The following PTPRS variants were observed in gnomAD, a reference collection of about 807,000 sequenced individuals.
PTPRS encodes receptor-type tyrosine-protein phosphatase S.
PTPRS carries 63 observed loss-of-function variants against 215.3 expected under a neutral mutation model. That is an observed-to-expected ratio of 0.29 (90% confidence interval 0.24 to 0.36). PTPRS has a LOEUF of 0.36. PTPRS is among the 10% of genes least tolerant of loss of function. The pLI, the probability that PTPRS is intolerant of heterozygous loss-of-function variation, is 1.00. For synonymous variants in PTPRS, 1,404 were observed against 1,191.4 expected, an observed-to-expected ratio of 1.18 and a Z score of -3.68; for missense variants, 2,258 against 2,825.8, an observed-to-expected ratio of 0.80 and a Z score of 4.56.
At chr19:5,258,615 G>T (rs2045754101) in intron 7 of PTPRS, among the ~76,000 whole-genome samples, 1 of 152,178 alleles carries the variant, frequency 6.6e-6, no homozygotes, top group African/African-American at 2.4e-5. Flanking sequence ...GTGAGTAAAT[G>T]AACATGGGTC....
At chr19:5,254,406 C>T (rs1178519275) in intron 9 of PTPRS, among the ~76,000 whole-genome samples, 5 of 142,168 alleles carry the variant, frequency 3.5e-5, no homozygotes, top group South Asian at 4.3e-4. Flanking sequence ...AAAATCTACA[C>T]GGATATTTTA....
chr19:5,208,009 C>T lies in PTPRS; in HGVS notation c.5691G>A (p.Leu1897=). ...TGVFITLSIV[L]ERMRYEGVVD... is the part of the protein sequence containing the mutation. ...CCACGCCTTCATACCGCATCCGCTCCAGCACGATGCTAAGCGTGATGAAGA... is the reference window on the plus strand; with the variant it reads ...CCACGCCTTCATACCGCATCCGCTCTAGCACGATGCTAAGCGTGATGAAGA... The change falls in exon 37 of 38, where the codon CTG becomes CTA. Residue 1897 remains leucine (L), a synonymous_variant. Transcript: ENST00000262963. 1 of 1,614,066 alleles carries T rather than the reference C, an allele frequency of 6.2e-7. No homozygotes were observed. The highest frequency in any genetic ancestry group is 8.5e-7 in the Non-Finnish European group (1 of 1,180,040).
rs543187110 is a variant in PTPRS at position 5,253,609 on chromosome 19, T to G, written c.718+2499A>C. Among the ~76,000 whole-genome samples, 122 of 152,242 alleles carry G rather than the reference T, an allele frequency of 8.0e-4. 1 individual carries two copies. The highest frequency in any genetic ancestry group is 2.8e-3 in the African/African-American group (117 of 41,540). On this transcript the variant is annotated intron_variant, in intron 9 of 37. Coordinates refer to ENST00000262963, the MANE Select transcript of PTPRS (RefSeq NM_002850.4). ...GGGTAGTCCGCTGATCTCATGGGGATGGGGCTGGAGCCAGGAGAAAATGAG... is the reference window on the plus strand; with the variant it reads ...GGGTAGTCCGCTGATCTCATGGGGAGGGGGCTGGAGCCAGGAGAAAATGAG...
chr19:5,209,401 C>T (rs1214119341), intron 35 of PTPRS, among the ~76,000 whole-genome samples: 1 of 151,998 alleles, frequency 6.6e-6, no homozygotes, highest in East Asian at 1.9e-4. Context: ...CCATCATCTG[C>T]CTTGTTCTAA....
intron 20 of PTPRS, 59 bp from the exon 21 acceptor site, chr19:5,220,412 T>G: frequency 7.1e-7 from 1 of 1,414,282 alleles, no homozygotes; most frequent in Non-Finnish European, 9.9e-7. Context: ...AAGGGATGCT[T>G]CATGGGGGCA....
chr19:5,285,645 A>C (rs1282536282), intron 2 of PTPRS, among the ~76,000 whole-genome samples: 1 of 152,172 alleles, frequency 6.6e-6, no homozygotes, highest in East Asian at 1.9e-4. Flanking sequence ...TGGCTCACTA[A>C]GCAGTGATCT....
At chr19:5,235,424 A>G (rs1339237359) in intron 13 of PTPRS, among the ~76,000 whole-genome samples, 1 of 152,082 alleles carries the variant, frequency 6.6e-6, no homozygotes, top group African/African-American at 2.4e-5. Context: ...TTTGCAGATA[A>G]TAAGTGAATG....
intron 9 of PTPRS, among the ~76,000 whole-genome samples, chr19:5,255,494 G>C (rs1243528449): frequency 6.6e-6 from 1 of 151,838 alleles, no homozygotes; most frequent in East Asian, 1.9e-4. Context: ...AGTCGCTTTG[G>C]GGGAGAAGAG....
chr19:5,283,016 C>T (rs1320991333), intron 2 of PTPRS, among the ~76,000 whole-genome samples: 1 of 152,178 alleles, frequency 6.6e-6, no homozygotes, highest in Non-Finnish European at 1.5e-5. Flanking sequence ...ATCAAAAAAG[C>T]TGGAAAGGGA....
chr19:5,300,536 C>T (rs548082480), intron 1 of PTPRS, among the ~76,000 whole-genome samples: 4 of 151,748 alleles, frequency 2.6e-5, no homozygotes, highest in African/African-American at 4.8e-5. Context: ...TTTGGGAGGC[C>T]GAGGTGGACA....
chr19:5,235,391 T>C (rs1488292982), intron 13 of PTPRS, among the ~76,000 whole-genome samples: 1 of 152,190 alleles, frequency 6.6e-6, no homozygotes, highest in Non-Finnish European at 1.5e-5. Flanking sequence ...GCACCTACTA[T>C]TTGCACACAC....
chr19:5,251,339 G>A (rs911855275), intron 9 of PTPRS, among the ~76,000 whole-genome samples: 2 of 151,484 alleles, frequency 1.3e-5, no homozygotes, highest in African/African-American at 4.9e-5. Context: ...GGCCCGGAGG[G>A]ACCTGGCTGG....
Position 5,284,997 on chromosome 19 carries a change from G to A in PTPRS, c.91+1053C>T, listed in dbSNP as rs8113241. On this transcript the variant is annotated intron_variant, in intron 2 of 37. Coordinates refer to ENST00000262963, the MANE Select transcript of PTPRS (RefSeq NM_002850.4). ...AAGCAGCATGAAAATAAGAAAAAGC[G>A]CAAATGAATGAGGCAGGGGTGTATG... is the stretch of plus-strand genomic sequence containing the variant. Among the ~76,000 whole-genome samples the A allele has an allele frequency of 5.6e-3, 847 of 152,172 alleles. 5 individuals are homozygous for A. The highest frequency in any genetic ancestry group is 0.019 in the African/African-American group (805 of 41,516).
chr19:5,219,171 G>A lies in PTPRS; in HGVS notation c.3923+139C>T, dbSNP rs1254687230. 6 of 1,170,626 alleles carry A rather than the reference G, an allele frequency of 5.1e-6. No homozygotes were observed. In the East Asian group the frequency reaches 1.2e-4, roughly 24 times the overall value. 72.5% of individuals were successfully genotyped at this position (1,170,626 alleles called of 1,614,324 possible). On this transcript the variant is annotated intron_variant, in intron 23 of 37. Coordinates refer to ENST00000262963, the MANE Select transcript of PTPRS (RefSeq NM_002850.4). Reference sequence around the variant, plus strand: ...CCATGCTGTGTGACCTTGATCAAGTGGCTTAACCTCTCTGAACTTCGGTTT... The same window carrying A: ...CCATGCTGTGTGACCTTGATCAAGTAGCTTAACCTCTCTGAACTTCGGTTT...
At chr19:5,289,064 G>C (rs1482207726) in intron 1 of PTPRS, among the ~76,000 whole-genome samples, 1 of 152,156 alleles carries the variant, frequency 6.6e-6, no homozygotes, top group Non-Finnish European at 1.5e-5. Context: ...GGTGGGAGGG[G>C]CCCAGGGAGT....
chr19:5,218,834 A>C, intron 23 of PTPRS, 36 bp from the exon 24 acceptor site: 1 of 1,573,914 alleles, frequency 6.4e-7, no homozygotes, highest in African/African-American at 1.4e-5. Context: ...AGAAGGGGGA[A>C]AAAAAGAAGA....
At chr19:5,275,998 C>G (rs1358887147) in intron 2 of PTPRS, among the ~76,000 whole-genome samples, 1 of 152,124 alleles carries the variant, frequency 6.6e-6, no homozygotes, top group African/African-American at 2.4e-5. Flanking sequence ...TTATAGGCGT[C>G]AACCACCATA....
chr19:5,322,617 T>C (rs761078436), intron 1 of PTPRS, among the ~76,000 whole-genome samples: 9 of 152,062 alleles, frequency 5.9e-5, no homozygotes, highest in Non-Finnish European at 7.4e-5. Context: ...GCGGTGCTCA[T>C]GCCTGTCATC....
At chr19:5,229,042 G>A (rs1478044347) in intron 16 of PTPRS, among the ~76,000 whole-genome samples, 3 of 152,228 alleles carry the variant, frequency 2.0e-5, no homozygotes, top group African/African-American at 7.2e-5. Flanking sequence ...AGCCATCAGG[G>A]TGAGAGGATT....
Sources: gnomAD v4.1 joint callset for allele counts (sites outside exome capture counted in the v4.1 genomes callset) on GRCh38, gnomAD v4.1.1 for gene constraint, MANE v1.5 for transcripts, NCBI Gene and HGNC (gene_info 2026-07-23, HGNC 2026-07-21) for gene names.